The following EIF4E variants were observed in gnomAD, a reference collection of about 807,000 sequenced individuals.
EIF4E encodes the protein eIF-4F 25 kDa subunit.
For synonymous variants in EIF4E, 71 were observed against 88.5 expected (o/e 0.80, Z 1.11); for missense variants, 113 against 265.6 (o/e 0.43, Z 3.99).
At chr4:98,891,113 T>A in intron 3 of EIF4E, 124 bp downstream of exon 3, 4 of 1,072,906 alleles carry the variant, frequency 3.7e-6, no homozygotes, top group Non-Finnish European at 5.5e-6. Context: ...TGTGAGGAGA[T>A]AAAAAAATAG....
chr4:98,895,924 G>A lies in EIF4E; in HGVS notation c.126-4592C>T, dbSNP rs562352621. On this transcript the variant is annotated intron_variant, in intron 2 of 6. Coordinates refer to ENST00000450253, the MANE Select transcript of EIF4E (RefSeq NM_001968.5). ...AAAATTAGCCAGGCATGGGCTGGGCGCAGTGGCTCACGCCCGTAATCCCAG... is the reference window on the plus strand; with the variant it reads ...AAAATTAGCCAGGCATGGGCTGGGCACAGTGGCTCACGCCCGTAATCCCAG... 1.0e-3 allele frequency among the ~76,000 whole-genome samples: 157 copies of A among 152,244 alleles called. 1 individual carries two copies. The highest frequency in any genetic ancestry group is 1.0e-3 in the Non-Finnish European group (69 of 68,004).
At chr4:98,923,570 C>T (rs1725740494) in intron 1 of EIF4E, among the ~76,000 whole-genome samples, 1 of 152,156 alleles carries the variant, frequency 6.6e-6, no homozygotes, top group Non-Finnish European at 1.5e-5. Context: ...CCTTTGTCTC[C>T]CAAAGCCTCG....
chr4:98,892,340 CAAAAAAAAA>C (rs1164170926), intron 2 of EIF4E, among the ~76,000 whole-genome samples: 4 of 126,318 alleles, frequency 3.2e-5, no homozygotes, highest in South Asian at 2.5e-4. Flanking sequence ...AAAAAACAAA[CAAAAAAAAA>C]AAACAAAAAA....
At chr4:98,899,357 A>C (rs1724552775) in intron 2 of EIF4E, among the ~76,000 whole-genome samples, 1 of 152,224 alleles carries the variant, frequency 6.6e-6, no homozygotes, top group Non-Finnish European at 1.5e-5. Context: ...ATGCAAATTG[A>C]AAATACTGAA....
intron 2 of EIF4E, among the ~76,000 whole-genome samples, chr4:98,899,743 C>T (rs1176938900): frequency 1.3e-5 from 2 of 151,988 alleles, no homozygotes; most frequent in East Asian, 1.9e-4. Context: ...ACAGAAAAGT[C>T]AACTGTATAG....
At chr4:98,885,138 G>T in intron 5 of EIF4E, 77 bp from the exon 6 acceptor site, 1 of 1,511,396 alleles carries the variant, frequency 6.6e-7, no homozygotes, top group Non-Finnish European at 9.0e-7. Context: ...TTCTGTATTT[G>T]CATAGAAACT....
At chr4:98,898,720 G>T in intron 2 of EIF4E, among the ~76,000 whole-genome samples, 1 of 151,770 alleles carries the variant, frequency 6.6e-6, no homozygotes, top group Admixed American at 6.6e-5. Flanking sequence ...AAGTTTTTCA[G>T]GTGAAATTAT....
intron 1 of EIF4E, among the ~76,000 whole-genome samples, chr4:98,918,778 G>C (rs184209658): frequency 6.6e-6 from 1 of 152,188 alleles, no homozygotes; most frequent in African/African-American, 2.4e-5. Flanking sequence ...GACATATTAA[G>C]TGAAAAAACA....
chr4:98,896,736 G>A (rs1466469100), intron 2 of EIF4E, among the ~76,000 whole-genome samples: 1 of 143,930 alleles, frequency 6.9e-6, no homozygotes, highest in Non-Finnish European at 1.5e-5. Context: ...CCAGTATTTT[G>A]CGAGGCCGAG....
At chr4:98,892,873 T>A (rs1287885900) in intron 2 of EIF4E, among the ~76,000 whole-genome samples, 1 of 152,194 alleles carries the variant, frequency 6.6e-6, no homozygotes, top group Non-Finnish European at 1.5e-5. Flanking sequence ...TGAAATAATG[T>A]ATACCAGTTT....
At chr4:98,902,182 C>T (rs1428788516) in intron 1 of EIF4E, among the ~76,000 whole-genome samples, 200 bp from the exon 2 acceptor site, 1 of 152,162 alleles carries the variant, frequency 6.6e-6, no homozygotes, top group Non-Finnish European at 1.5e-5. Flanking sequence ...AGCAGTTCTC[C>T]TGCCTCAGCC....
intron 5 of EIF4E, chr4:98,886,255 A>C (rs1723916930): frequency 4.4e-6 from 1 of 228,806 alleles, no homozygotes; most frequent in African/African-American, 2.3e-5. Flanking sequence ...AAAAGAGACT[A>C]CAAACCCCGC....
intron 1 of EIF4E, chr4:98,925,982 A>T (rs916561773): frequency 6.6e-6 from 1 of 151,872 alleles, no homozygotes. Flanking sequence ...CTGGGTAACC[A>T]TCGCGAGATT....
chr4:98,902,224 A>G (rs1439462108), intron 1 of EIF4E, among the ~76,000 whole-genome samples: 1 of 152,170 alleles, frequency 6.6e-6, no homozygotes, highest in Non-Finnish European at 1.5e-5. Flanking sequence ...GATGTGTGCC[A>G]CCATGCCTGG....
intron 1 of EIF4E, among the ~76,000 whole-genome samples, chr4:98,903,706 T>G (rs1724746559): frequency 6.6e-6 from 1 of 152,170 alleles, no homozygotes; most frequent in Non-Finnish European, 1.5e-5. Context: ...TACTCAATAA[T>G]CACAGTACTT....
At chr4:98,929,070 GGT>G (rs1553934894) in intron 1 of EIF4E, 23 bp downstream of exon 1, 2 of 1,579,894 alleles carry the variant, frequency 1.3e-6, no homozygotes, top group Non-Finnish European at 1.7e-6. Flanking sequence ...GACCCGTGGG[GGT>G]GGGGGCCAAA....
At chr4:98,907,462 G>A (rs1724922395) in intron 1 of EIF4E, among the ~76,000 whole-genome samples, 1 of 152,182 alleles carries the variant, frequency 6.6e-6, no homozygotes, top group Admixed American at 6.5e-5. Context: ...GGGCTAGAGG[G>A]AGAAAGACAT....
rs186697824 is a variant in EIF4E, at chr4:98,924,823, C to T, written c.18+4272G>A. On this transcript the variant is annotated intron_variant, in intron 1 of 6. Coordinates refer to ENST00000450253, the MANE Select transcript of EIF4E (RefSeq NM_001968.5). ...GGCCAGGCTGGTCTCGAACACCTGA[C>T]CTCAAGTGATCCCCACCCGCCTCGG... 4.3e-3 allele frequency among the ~76,000 whole-genome samples: 649 copies of T among 152,202 alleles called. 2 individuals are homozygous for T. The highest frequency in any genetic ancestry group is 0.01 in the South Asian group (50 of 4,826).
chr4:98,886,548 T>C (rs748436776), intron 5 of EIF4E: 3 of 415,930 alleles, frequency 7.2e-6, no homozygotes, highest in Middle Eastern at 8.2e-4. Context: ...ATCCCATCTC[T>C]GGAAAAAAAT....
Sources: allele counts gnomAD v4.1 joint callset (sites outside exome capture counted in the v4.1 genomes callset), GRCh38; gene constraint gnomAD v4.1.1; transcripts MANE v1.5; gene names NCBI Gene and HGNC (gene_info 2026-07-23, HGNC 2026-07-21).